Variants in CDKAL1 observed in about 807,000 individuals in gnomAD.
The protein encoded by CDKAL1 is CDKAL1 threonylcarbamoyladenosine tRNA methylthiotransferase, also known as threonylcarbamoyladenosine tRNA methylthiotransferase.
CDKAL1 carries 32 observed loss-of-function variants against 68.2 expected under a neutral mutation model. The ratio of observed to expected loss-of-function variants is 0.47; its 90% confidence interval spans 0.35 to 0.63. The LOEUF (loss-of-function observed/expected upper bound fraction) is 0.63. Among genes scored for constraint, CDKAL1 ranks in the 30% least tolerant of loss-of-function variants. The probability of loss-of-function intolerance (pLI) is 0.00; values close to 1 mark genes in which losing one functional copy is unlikely to be tolerated. For missense variants in CDKAL1, 606 were observed against 696.7 expected, an observed-to-expected ratio of 0.87 and a Z score of 1.47; for synonymous variants, 234 against 244.3, an observed-to-expected ratio of 0.96 and a Z score of 0.39.
chr6:20,702,726 G>A (rs1446188476), intron 5 of CDKAL1, among the ~76,000 whole-genome samples: 1 of 152,144 alleles, frequency 6.6e-6, no homozygotes, highest in East Asian at 1.9e-4. Flanking sequence ...AGGGTCTCGG[G>A]GTTTTTATAG....
chr6:20,814,440 C>T (rs553926321), intron 8 of CDKAL1, among the ~76,000 whole-genome samples: 17 of 152,256 alleles, frequency 1.1e-4, no homozygotes, highest in African/African-American at 4.1e-4. Context: ...CCACCATACC[C>T]AGCTAACTTT....
chr6:21,227,371 T>C (rs1373085909), intron 15 of CDKAL1, among the ~76,000 whole-genome samples: 1 of 152,224 alleles, frequency 6.6e-6, no homozygotes, highest in Non-Finnish European at 1.5e-5. Flanking sequence ...GTAGTGACAA[T>C]TGAAATGTGC....
intron 4 of CDKAL1, among the ~76,000 whole-genome samples, chr6:20,640,663 T>A (rs1447266155): frequency 6.6e-6 from 1 of 152,208 alleles, no homozygotes; most frequent in East Asian, 1.9e-4. Flanking sequence ...TATTACTTAT[T>A]TTAGTTTTTA....
rs374945764 is a variant in CDKAL1, at chr6:20,758,240, A to T, written c.469-355A>T. The stretch of plus-strand genomic sequence containing the variant: ...TTTGTGTAGCTTGTCGTTTTATGCC[A>T]TTTTTTTTCCTGAAGCTCTGTGTGA... On this transcript the variant is annotated intron_variant, in intron 6 of 15. Transcript: ENST00000274695. 3.1e-4 allele frequency among the ~76,000 whole-genome samples: 47 copies of T among 152,032 alleles called. 1 individual carries two copies. The East Asian group carries it at 8.5e-3, about 27-fold the overall frequency.
chr6:21,086,878 C>T (rs1342026746), intron 12 of CDKAL1, among the ~76,000 whole-genome samples: 1 of 151,966 alleles, frequency 6.6e-6, no homozygotes, highest in Non-Finnish European at 1.5e-5. Context: ...TATCATAGTC[C>T]CTCATTTTTA....
intron 9 of CDKAL1, among the ~76,000 whole-genome samples, chr6:20,848,942 G>A (rs1379234025): frequency 2.6e-5 from 4 of 151,880 alleles, no homozygotes; most frequent in Non-Finnish European, 4.4e-5. Context: ...ATAGCCATGC[G>A]CTACCAAGTC....
At chr6:20,824,865 G>A (rs1253433222) in intron 8 of CDKAL1, among the ~76,000 whole-genome samples, 1 of 152,180 alleles carries the variant, frequency 6.6e-6, no homozygotes. Context: ...CTGTATAGAA[G>A]TGCTATGATT....
At chr6:21,009,183 T>C (rs375468563) in intron 11 of CDKAL1, among the ~76,000 whole-genome samples, 1 of 152,234 alleles carries the variant, frequency 6.6e-6, no homozygotes, top group Non-Finnish European at 1.5e-5. Flanking sequence ...GAAGTCACAG[T>C]GCTAATAATT....
At chr6:20,862,451 C>T (rs1759680668) in intron 9 of CDKAL1, among the ~76,000 whole-genome samples, 1 of 152,064 alleles carries the variant, frequency 6.6e-6, no homozygotes, top group Admixed American at 6.6e-5. Context: ...TACTAAATAC[C>T]TGAAAATTAA....
intron 9 of CDKAL1, among the ~76,000 whole-genome samples, chr6:20,920,907 T>C (rs1162717408): frequency 6.6e-6 from 1 of 152,228 alleles, no homozygotes; most frequent in Non-Finnish European, 1.5e-5. Context: ...AATATGGCCC[T>C]AACTGCTAAA....
chr6:21,029,079 C>G (rs1319600737), intron 11 of CDKAL1, among the ~76,000 whole-genome samples: 1 of 152,122 alleles, frequency 6.6e-6, no homozygotes, highest in Non-Finnish European at 1.5e-5. Flanking sequence ...CAGAGTCTCA[C>G]TCTGTTTCCC....
chr6:20,681,058 G>C (rs1348504531), intron 5 of CDKAL1, among the ~76,000 whole-genome samples: 1 of 152,206 alleles, frequency 6.6e-6, no homozygotes, highest in Non-Finnish European at 1.5e-5. Context: ...AGGATACCCA[G>C]TTTCAGTTTC....
chr6:21,152,627 T>A (rs755143582), intron 13 of CDKAL1, among the ~76,000 whole-genome samples: 23 of 152,274 alleles, frequency 1.5e-4, no homozygotes, highest in Non-Finnish European at 2.8e-4. Flanking sequence ...CTATGCTAGC[T>A]ATACCTCTTG....
intron 4 of CDKAL1, among the ~76,000 whole-genome samples, chr6:20,561,463 A>G (rs1764265987): frequency 6.7e-6 from 1 of 149,388 alleles, no homozygotes; most frequent in South Asian, 2.1e-4. Flanking sequence ...AAAAAAAAAA[A>G]AAAAAAAAGA....
chr6:21,157,078 G>A (rs1046381975), intron 13 of CDKAL1, among the ~76,000 whole-genome samples: 1 of 152,140 alleles, frequency 6.6e-6, no homozygotes, highest in Admixed American at 6.5e-5. Flanking sequence ...AAAGAGATAC[G>A]CTTTGAACTT....
chr6:20,891,744 A>G (rs1761415392), intron 9 of CDKAL1, among the ~76,000 whole-genome samples: 1 of 151,948 alleles, frequency 6.6e-6, no homozygotes, highest in Non-Finnish European at 1.5e-5. Flanking sequence ...CATGTTGGCC[A>G]TGGTGGTCTT....
intron 6 of CDKAL1, among the ~76,000 whole-genome samples, chr6:20,744,689 T>G (rs1773593200): frequency 6.6e-6 from 1 of 152,172 alleles, no homozygotes; most frequent in Non-Finnish European, 1.5e-5. Context: ...GAAACAATAT[T>G]TATTTGCTGA....
chr6:20,535,770 TC>T (rs1763142893), intron 2 of CDKAL1, among the ~76,000 whole-genome samples: 1 of 152,216 alleles, frequency 6.6e-6, no homozygotes, highest in Admixed American at 6.5e-5. Context: ...GTTCTCTTTT[TC>T]TTCCCCTCTG....
chr6:20,750,270 C>G (rs1773859296), intron 6 of CDKAL1, among the ~76,000 whole-genome samples: 1 of 152,060 alleles, frequency 6.6e-6, no homozygotes, highest in South Asian at 2.1e-4. Flanking sequence ...GATGGTGTCT[C>G]TAGTTTTCCA....
Sources: gnomAD v4.1 joint callset for allele counts (sites outside exome capture counted in the v4.1 genomes callset) on GRCh38, gnomAD v4.1.1 for gene constraint, MANE v1.5 for transcripts, NCBI Gene and HGNC (gene_info 2026-07-23, HGNC 2026-07-21) for gene names.